Variants in GOLGA7B observed in about 807,000 individuals in gnomAD.
GOLGA7B encodes golgin A7 family member B, also known as golgin subfamily A member 7B.
GOLGA7B carries 17 observed loss-of-function variants against 21.5 expected under a neutral mutation model. That is an observed-to-expected ratio of 0.79 (90% confidence interval 0.54 to 1.19). The LOEUF is 1.19. Ranked by LOEUF, GOLGA7B falls within the 50% of genes most tolerant of loss-of-function variation. The probability of loss-of-function intolerance (pLI) is 0.00; values close to 1 mark genes in which losing one functional copy is unlikely to be tolerated. For missense variants in GOLGA7B, 169 were observed against 224.4 expected (o/e 0.75, Z 1.58); for synonymous variants, 87 against 84.0 (o/e 1.04, Z -0.19).
In GOLGA7B at chr10:97,870,237, T is replaced by C. The variant is rs1259030309; in HGVS notation, c.*4537T>C. 1 of 152,200 alleles carries C rather than the reference T, an allele frequency of 6.6e-6. No homozygotes were observed. The highest frequency in any genetic ancestry group is 1.9e-4 in the East Asian group (1 of 5,198). The allele number at this position is 152,200 out of a possible 1,614,324, so 9.4% of individuals were successfully genotyped here. ...GGTGATTTTAATGTGAAGGTAAGGCTGAGAATCCCTGGTTTTGACAGTACC... is the reference window on the plus strand; with the variant it reads ...GGTGATTTTAATGTGAAGGTAAGGCCGAGAATCCCTGGTTTTGACAGTACC... On this transcript the variant is annotated 3_prime_UTR_variant, in exon 5 of 5. Coordinates refer to ENST00000370602, the MANE Select transcript of GOLGA7B (RefSeq NM_001010917.3).
intron 4 of GOLGA7B, 50 bp downstream of exon 4, chr10:97,864,319 A>G (rs1289422584): frequency 6.6e-7 from 1 of 1,510,254 alleles, no homozygotes; most frequent in Non-Finnish European, 9.2e-7. Context: ...GCTAACCAGT[A>G]GAGATCCTGG....
chr10:97,860,931 G>A (rs148486990), intron 2 of GOLGA7B, among the ~76,000 whole-genome samples: 1 of 152,164 alleles, frequency 6.6e-6, no homozygotes, highest in Admixed American at 6.5e-5. Flanking sequence ...ATCTCCTGGT[G>A]GGGGAGACTT....
Position 97,865,776 on chromosome 10 carries a change from A to G in GOLGA7B, c.*76A>G. The G allele has an allele frequency of 2.3e-6, 3 of 1,293,158 alleles. No homozygotes were observed. Among genetic ancestry groups the G allele is most frequent in the South Asian group, 1.4e-5 (1 of 71,614 alleles). The allele number at this position is 1,293,158 out of a possible 1,614,324, so 80.1% of individuals were successfully genotyped here. On this transcript the variant is annotated 3_prime_UTR_variant, in exon 5 of 5. Coordinates refer to ENST00000370602, the MANE Select transcript of GOLGA7B (RefSeq NM_001010917.3). ...AGACCTGCGGCGGCTGCGCTACCAGAGCACCCGCTTCTGAGTCATTCTTTG... is the reference window on the plus strand; with the variant it reads ...AGACCTGCGGCGGCTGCGCTACCAGGGCACCCGCTTCTGAGTCATTCTTTG...
In GOLGA7B at chr10:97,870,011, T is replaced by C. The variant is rs2050074365; in HGVS notation, c.*4311T>C. On this transcript the variant is annotated 3_prime_UTR_variant, in exon 5 of 5. Transcript: ENST00000370602. ...TCATGACACTGACACATGAAGACTC[T>C]TGGAGCCTCAGATTCCCCAGTTGTT... The C allele has an allele frequency of 1.3e-5, 2 of 152,214 alleles. No homozygotes were observed. The highest frequency in any genetic ancestry group is 1.3e-4 in the Admixed American group (2 of 15,288). The allele number at this position is 152,214 out of a possible 1,614,324, so 9.4% of individuals were successfully genotyped here.
chr10:97,851,252 A>G (rs1050169537), intron 1 of GOLGA7B, among the ~76,000 whole-genome samples: 1 of 152,118 alleles, frequency 6.6e-6, no homozygotes, highest in Non-Finnish European at 1.5e-5. Context: ...TCTGATGTTG[A>G]CTTCCTTTGT....
chr10:97,859,559 AT>A lies in GOLGA7B; in HGVS notation c.116del (p.Phe39SerfsTer18), dbSNP rs2049958032. On this transcript the variant is annotated frameshift_variant, in exon 2 of 5. Coordinates refer to ENST00000370602, the MANE Select transcript of GOLGA7B (RefSeq NM_001010917.3). LOFTEE classifies it high-confidence loss of function. ...GGACCATCTGTCAGTTCCAGACCAA[AT>A]TCCCCCCAGAGCTGGACAGCCGGGT... ...DGTICQFQTK[F>X]PPELDSRIER... 3.1e-6 allele frequency: 5 copies of A among 1,614,058 alleles called. No homozygotes were observed. The highest frequency in any genetic ancestry group is 4.2e-6 in the Non-Finnish European group (5 of 1,179,974).
In GOLGA7B at chr10:97,865,824, G is replaced by A; in HGVS notation, c.*124G>A. 1 of 1,220,892 alleles carries A rather than the reference G, an allele frequency of 8.2e-7. No individual in the cohort carries two copies. The highest frequency in any genetic ancestry group is 1.1e-6 in the Non-Finnish European group (1 of 909,368). 75.6% of individuals were successfully genotyped at this position (1,220,892 alleles called of 1,614,324 possible). On this transcript the variant is annotated 3_prime_UTR_variant, in exon 5 of 5. Transcript: ENST00000370602. Reference sequence around the variant, plus strand: ...TTGGGCTCACCCTGCTGCCCGGGGTGGGAGGGAGGGTGACGGGCCTCATAT... The same window carrying A: ...TTGGGCTCACCCTGCTGCCCGGGGTAGGAGGGAGGGTGACGGGCCTCATAT...
intron 1 of GOLGA7B, among the ~76,000 whole-genome samples, chr10:97,852,941 G>A (rs2049912786): frequency 1.3e-5 from 2 of 152,158 alleles, no homozygotes; most frequent in Admixed American, 6.5e-5. Flanking sequence ...GTGTCACTGG[G>A]AGCAGGGTCT....
chr10:97,850,394 T>A (rs2049897787), intron 1 of GOLGA7B, 79 bp downstream of exon 1: 1 of 1,092,528 alleles, frequency 9.2e-7, no homozygotes, highest in South Asian at 1.6e-5. Flanking sequence ...TGGGCAGGAG[T>A]GGGAGGCGGG....
Position 97,868,380 on chromosome 10 carries a change from C to T in GOLGA7B, c.*2680C>T, listed in dbSNP as rs1256645803. The T allele has an allele frequency of 6.6e-6, 1 of 152,242 alleles. No individual in the cohort carries two copies. The highest frequency in any genetic ancestry group is 1.5e-5 in the Non-Finnish European group (1 of 68,082). 9.4% of individuals were successfully genotyped at this position (152,242 alleles called of 1,614,324 possible). On this transcript the variant is annotated 3_prime_UTR_variant, in exon 5 of 5. Coordinates refer to ENST00000370602, the MANE Select transcript of GOLGA7B (RefSeq NM_001010917.3). ...GAACCCAGGTCTCCTGACTCAGTGC[C>T]CACTCTGTTACCACAGGGATGGCAC...
intron 4 of GOLGA7B, chr10:97,865,045 C>T (rs1163995717): frequency 1.3e-5 from 2 of 152,866 alleles, no homozygotes; most frequent in Non-Finnish European, 2.9e-5. Flanking sequence ...TTTTATTGAG[C>T]CTTTACTATG....
rs1476464107 is a variant in GOLGA7B, at chr10:97,866,678, G to C, written c.*978G>C. The C allele has an allele frequency of 6.6e-6, 1 of 152,352 alleles. No homozygotes were observed. The highest frequency in any genetic ancestry group is 2.1e-4 in the South Asian group (1 of 4,822). The allele number at this position is 152,352 out of a possible 1,614,324, so 9.4% of individuals were successfully genotyped here. A position where few individuals can be genotyped will look rare whatever the true frequency, so the allele number is the denominator to read the frequency against. ...TGTGGACACATTTATAAGCACACCT[G>C]TGTGTGTCTGAGTACATGTGCACAC... On this transcript the variant is annotated 3_prime_UTR_variant, in exon 5 of 5. Transcript: ENST00000370602.
chr10:97,864,408 G>A, intron 4 of GOLGA7B, 139 bp downstream of exon 4: 1 of 649,502 alleles, frequency 1.5e-6, no homozygotes, highest in South Asian at 1.9e-5. Context: ...GTGGTCCTCA[G>A]CCCTCCTCCA....
In GOLGA7B at chr10:97,870,526, C is replaced by T. The variant is rs182503975; in HGVS notation, c.*4826C>T. 1.3e-5 allele frequency: 2 copies of T among 152,150 alleles called. No homozygotes were observed. Among genetic ancestry groups the T allele is most frequent in the African/African-American group, 2.4e-5 (1 of 41,484 alleles). The allele number at this position is 152,150 out of a possible 1,614,324, so 9.4% of individuals were successfully genotyped here. A position where few individuals can be genotyped will look rare whatever the true frequency, so the allele number is the denominator to read the frequency against. Reference sequence around the variant, plus strand: ...TTTCTTGATCAGAGTGCCAGTTACACGGGGTGCTCACTTCATGAGAATTCA... The same window carrying T: ...TTTCTTGATCAGAGTGCCAGTTACATGGGGTGCTCACTTCATGAGAATTCA... On this transcript the variant is annotated 3_prime_UTR_variant, in exon 5 of 5. Coordinates refer to ENST00000370602, the MANE Select transcript of GOLGA7B (RefSeq NM_001010917.3).
chr10:97,865,838 C>T lies in GOLGA7B; in HGVS notation c.*138C>T, dbSNP rs1211324832. ...CTGCCCGGGGTGGGAGGGAGGGTGA[C>T]GGGCCTCATATTTCCTGTGGGCCAT... On this transcript the variant is annotated 3_prime_UTR_variant, in exon 5 of 5. Coordinates refer to ENST00000370602, the MANE Select transcript of GOLGA7B (RefSeq NM_001010917.3). 16 of 1,245,922 alleles carry T rather than the reference C, an allele frequency of 1.3e-5. No homozygotes were observed. The highest frequency in any genetic ancestry group is 4.6e-5 in the South Asian group (3 of 64,556). 77.2% of individuals were successfully genotyped at this position (1,245,922 alleles called of 1,614,324 possible).
At position 97,851,979 on chromosome 10, in the gene GOLGA7B, A is replaced by G. The variant is rs139719041; in HGVS notation, c.12+1664A>G. ...ATAAGTGATCTCTTTCAAGCCTCAG[A>G]GCAGCCCTATGAAGTGGGTAAGGAT... On this transcript the variant is annotated intron_variant, in intron 1 of 4. Transcript: ENST00000370602. Among the ~76,000 whole-genome samples, 911 of 152,352 alleles carry G rather than the reference A, an allele frequency of 6.0e-3. 30 individuals carry two copies. Among genetic ancestry groups the G allele is most frequent in the Admixed American group, 0.046 (711 of 15,306 alleles).
At position 97,850,191 on chromosome 10, in the gene GOLGA7B, A is replaced by G. The variant is rs2049895658; in HGVS notation, c.-113A>G. The stretch of plus-strand genomic sequence containing the variant: ...CGGCGCCCGCATCAGCACTGCGGAC[A>G]GCGCCCCGGGCCCCAGCTCGCCGCC... On this transcript the variant is annotated 5_prime_UTR_variant, in exon 1 of 5. Coordinates refer to ENST00000370602, the MANE Select transcript of GOLGA7B (RefSeq NM_001010917.3). 6.4e-6 allele frequency: 3 copies of G among 466,468 alleles called. No homozygotes were observed. Among genetic ancestry groups the G allele is most frequent in the Non-Finnish European group, 9.6e-6 (3 of 311,766 alleles). The allele number at this position is 466,468 out of a possible 1,614,324, so 28.9% of individuals were successfully genotyped here.
At chr10:97,864,535 A>G (rs118100272) in intron 4 of GOLGA7B, among the ~76,000 whole-genome samples, 1,821 of 152,286 alleles carry the variant, frequency 0.012, 11 homozygotes, top group Non-Finnish European at 0.019. Context: ...ATACGAATTC[A>G]TGTACTTCTC....
At chr10:97,852,573 G>C (rs1404499909) in intron 1 of GOLGA7B, among the ~76,000 whole-genome samples, 2 of 152,164 alleles carry the variant, frequency 1.3e-5, no homozygotes, top group South Asian at 2.1e-4. Flanking sequence ...ATTGAGTTGA[G>C]ATTACCAGGA....
Sources: allele counts gnomAD v4.1 joint callset (sites outside exome capture counted in the v4.1 genomes callset), GRCh38; gene constraint gnomAD v4.1.1; transcripts MANE v1.5; gene names NCBI Gene and HGNC (gene_info 2026-07-23, HGNC 2026-07-21).